The following CTNNAL1 variants were observed in gnomAD, a reference collection of about 807,000 sequenced individuals.
The protein encoded by CTNNAL1 is alpha-catulin.
CTNNAL1 carries 69 observed loss-of-function variants against 93.6 expected under a neutral mutation model. The ratio of observed to expected loss-of-function variants is 0.74; its 90% CI spans 0.61 to 0.90. The LOEUF (loss-of-function observed/expected upper bound fraction) is 0.90. Ranked by LOEUF, CTNNAL1 falls within the 40% of genes least tolerant of loss-of-function variation. CTNNAL1 has a pLI of 0.00. For synonymous variants in CTNNAL1, 286 were observed against 305.4 expected, an observed-to-expected ratio of 0.94 and a Z score of 0.66; for missense variants, 836 against 862.0, an observed-to-expected ratio of 0.97 and a Z score of 0.38.
At chr9:109,006,432 G>A (rs1372229018) in intron 1 of CTNNAL1, among the ~76,000 whole-genome samples, 1 of 152,108 alleles carries the variant, frequency 6.6e-6, no homozygotes, top group Non-Finnish European at 1.5e-5. Context: ...CAAAGCCAGG[G>A]GAGCTACCTA....
chr9:108,975,895 G>C (rs1481223937), intron 8 of CTNNAL1, among the ~76,000 whole-genome samples: 4 of 152,144 alleles, frequency 2.6e-5, no homozygotes, highest in Non-Finnish European at 4.4e-5. Flanking sequence ...AGTGACCATA[G>C]GACTTTCAAT....
intron 11 of CTNNAL1, 97 bp downstream of exon 11, chr9:108,965,281 C>T (rs757888647): frequency 1.6e-4 from 167 of 1,031,080 alleles, no homozygotes; most frequent in Non-Finnish European, 2.1e-4. Flanking sequence ...AGCTGGGTTA[C>T]GACAAGAATT....
chr9:108,972,864 G>GCGCCCCCCCCCCCCC, intron 8 of CTNNAL1, 31 bp from the exon 9 acceptor site: 1 of 142,586 alleles, frequency 7.0e-6, no homozygotes, highest in Non-Finnish European at 1.0e-5. Flanking sequence ...GGGGGGGTGG[G>GCGCCCCCCCCCCCCC]AGGGTGGAGA....
intron 8 of CTNNAL1, among the ~76,000 whole-genome samples, chr9:108,973,494 G>A (rs970153799): frequency 6.6e-6 from 1 of 152,294 alleles, no homozygotes; most frequent in East Asian, 1.9e-4. Flanking sequence ...GTTAGAATCT[G>A]TCTATAGTTG....
At chr9:108,984,474 A>C in intron 4 of CTNNAL1, 38 bp from the exon 5 acceptor site, 1 of 1,160,420 alleles carries the variant, frequency 8.6e-7, no homozygotes, top group Non-Finnish European at 1.3e-6. Flanking sequence ...GTCTAAGACC[A>C]TGTGAACAAC....
chr9:108,972,069 G>A (rs1831129426), intron 9 of CTNNAL1, among the ~76,000 whole-genome samples: 1 of 152,174 alleles, frequency 6.6e-6, no homozygotes, highest in South Asian at 2.1e-4. Context: ...GGACTGAGGA[G>A]AGAATGGGCC....
chr9:109,008,478 T>C (rs1162893789), intron 1 of CTNNAL1, among the ~76,000 whole-genome samples: 1 of 152,008 alleles, frequency 6.6e-6, no homozygotes, highest in African/African-American at 2.4e-5. Flanking sequence ...TGTGTAGGAG[T>C]TTCTCTAGGG....
chr9:109,008,772 T>C (rs1827113946), intron 1 of CTNNAL1, among the ~76,000 whole-genome samples: 1 of 151,968 alleles, frequency 6.6e-6, no homozygotes, highest in Non-Finnish European at 1.5e-5. Context: ...TTCATTGGAG[T>C]ATTTTATTTA....
chr9:108,994,891 G>A lies in CTNNAL1; in HGVS notation c.332-2072C>T, dbSNP rs187705663. On this transcript the variant is annotated intron_variant, in intron 2 of 18. Transcript: ENST00000325551. ...TACTACACAGATAACTACGTGGAGA[G>A]GAAGTGAGGCCTCCAGCCAACAGCC... Among the ~76,000 whole-genome samples the A allele has an allele frequency of 1.2e-4, 18 of 152,284 alleles. No homozygotes were observed. In the East Asian group the frequency reaches 2.7e-3, roughly 23 times the overall value.
chr9:108,997,670 T>C lies in CTNNAL1; in HGVS notation c.331+1397A>G, dbSNP rs533791390. 1.6e-4 allele frequency among the ~76,000 whole-genome samples: 24 copies of C among 152,274 alleles called. No individual in the cohort carries two copies. The South Asian group carries it at 4.8e-3, about 30-fold the overall frequency. ...CCTCCCTCAGAGTTCCTCATCTCAG[T>C]AGATGGCACCACCATTTGCCTAGCT... On this transcript the variant is annotated intron_variant, in intron 2 of 18. Coordinates refer to ENST00000325551, the MANE Select transcript of CTNNAL1 (RefSeq NM_003798.4).
chr9:108,992,390 CTTT>C (rs76492886), intron 3 of CTNNAL1, among the ~76,000 whole-genome samples: 2 of 139,952 alleles, frequency 1.4e-5, no homozygotes. Context: ...AAGAACTTTT[CTTT>C]TTTTTTTTTT....
intron 7 of CTNNAL1, among the ~76,000 whole-genome samples, chr9:108,978,576 G>GTC (rs1213200574): frequency 6.6e-6 from 1 of 152,178 alleles, no homozygotes. Context: ...AGGGCTCTCT[G>GTC]TCTCTCCACT....
intron 1 of CTNNAL1, among the ~76,000 whole-genome samples, chr9:109,012,727 A>C (rs1194898416): frequency 2.0e-5 from 3 of 152,154 alleles, no homozygotes; most frequent in Admixed American, 2.0e-4. Context: ...GGTTCAGGGG[A>C]AGGGGTAGGG....
chr9:108,990,575 T>C (rs1831760523), intron 4 of CTNNAL1, 151 bp downstream of exon 4: 2 of 888,032 alleles, frequency 2.3e-6, no homozygotes, highest in South Asian at 2.3e-5. Flanking sequence ...CTACTTACTT[T>C]ATCCTGGCTT....
intron 1 of CTNNAL1, among the ~76,000 whole-genome samples, chr9:109,005,366 T>C (rs1386717212): frequency 6.6e-6 from 1 of 152,148 alleles, no homozygotes; most frequent in Non-Finnish European, 1.5e-5. Context: ...ATTGAATGTT[T>C]GTGTCCCATT....
intron 1 of CTNNAL1, among the ~76,000 whole-genome samples, chr9:109,000,398 C>A (rs1826759215): frequency 6.6e-6 from 1 of 152,084 alleles, no homozygotes; most frequent in Non-Finnish European, 1.5e-5. Context: ...AAATTCTAGG[C>A]AAACCTGAAA....
chr9:108,988,435 T>A (rs775461503), intron 4 of CTNNAL1, among the ~76,000 whole-genome samples: 1 of 152,330 alleles, frequency 6.6e-6, no homozygotes, highest in African/African-American at 2.4e-5. Context: ...CATCTCTCAA[T>A]AGATTACTGT....
intron 11 of CTNNAL1, among the ~76,000 whole-genome samples, chr9:108,957,292 A>T (rs1439885986): frequency 1.3e-5 from 2 of 150,910 alleles, no homozygotes; most frequent in African/African-American, 4.9e-5. Flanking sequence ...ATTTATTTGT[A>T]TTTTTTTTAA....
chr9:108,967,746 A>G (rs1831000032), intron 10 of CTNNAL1, among the ~76,000 whole-genome samples: 2 of 152,168 alleles, frequency 1.3e-5, no homozygotes, highest in Admixed American at 1.3e-4. Context: ...AGGAACAGCA[A>G]GTAAGCCAGA....
Sources: gnomAD v4.1 joint callset for allele counts (sites outside exome capture counted in the v4.1 genomes callset) on GRCh38, gnomAD v4.1.1 for gene constraint, MANE v1.5 for transcripts, NCBI Gene and HGNC (gene_info 2026-07-23, HGNC 2026-07-21) for gene names.